AKAIN1: variants seen among roughly 807,000 people sequenced by gnomAD.
AKAIN1 encodes A-kinase anchor inhibitor 1, also known as A-kinase anchor protein inhibitor 1.
A neutral mutation model predicts 3.7 loss-of-function variants in AKAIN1; 3 were observed. The observed-to-expected ratio is 0.82, with a 90% CI of 0.37 to 2.12. The LOEUF is 2.12. Ranked by LOEUF, AKAIN1 falls within the 30% of genes most tolerant of loss-of-function variation. AKAIN1 has a pLI of 0.06. For synonymous variants in AKAIN1, 31 were observed against 30.8 expected, an observed-to-expected ratio of 1.01 and a Z score of -0.02; for missense variants, 82 against 82.7, an observed-to-expected ratio of 0.99 and a Z score of 0.03.
intron 1 of AKAIN1, among the ~76,000 whole-genome samples, chr18:5,160,793 T>C (rs2071134844): frequency 6.6e-6 from 1 of 152,100 alleles, no homozygotes; most frequent in African/African-American, 2.4e-5. Flanking sequence ...TGCCACAGAA[T>C]TGTGTTTTGA....
intron 1 of AKAIN1, among the ~76,000 whole-genome samples, chr18:5,177,647 G>T (rs2071233781): frequency 6.6e-6 from 1 of 152,030 alleles, no homozygotes; most frequent in Admixed American, 6.6e-5. Context: ...TCAGACTCAT[G>T]CACTGTATAA....
intron 1 of AKAIN1, among the ~76,000 whole-genome samples, chr18:5,167,210 G>C (rs952652685): frequency 6.6e-6 from 1 of 152,070 alleles, no homozygotes; most frequent in African/African-American, 2.4e-5. Flanking sequence ...TACTGAAAGA[G>C]TCAGATAGAT....
chr18:5,197,260 G>T, upstream of AKAIN1: 1 of 1,375,230 alleles, frequency 7.3e-7, no homozygotes, highest in Non-Finnish European at 9.3e-7. The surrounding 1 kb of genome is among the most constrained non-coding windows in gnomAD (Gnocchi z 6.9). Flanking sequence ...TCCACAATGC[G>T]GCCACAGCGG....
chr18:5,195,814 C>T (rs1183661790), intron 1 of AKAIN1, among the ~76,000 whole-genome samples: 2 of 152,078 alleles, frequency 1.3e-5, no homozygotes, highest in African/African-American at 2.4e-5. Flanking sequence ...AATTTCCTCC[C>T]TTGAGTTATT....
Position 5,156,310 on chromosome 18 carries a change from C to A in AKAIN1, c.17-10555G>T, listed in dbSNP as rs762939116. 4.6e-5 allele frequency among the ~76,000 whole-genome samples: 7 copies of A among 152,168 alleles called. No individual in the cohort carries two copies. The East Asian group carries it at 1.4e-3, about 29-fold the overall frequency. On this transcript the variant is annotated intron_variant, in intron 1 of 1. Transcript: ENST00000434239. ...TTCTCCCTGAAATAAACAGCGCAAT[C>A]TTCACAATCACCATTTCTCTGCCAA...
intron 1 of AKAIN1, among the ~76,000 whole-genome samples, chr18:5,159,564 T>C (rs1441651372): frequency 1.3e-5 from 2 of 152,218 alleles, no homozygotes; most frequent in Admixed American, 6.5e-5. Flanking sequence ...AAATTAATTA[T>C]AGAAGACATA....
Position 5,197,158 on chromosome 18 carries a change from G to A in AKAIN1, c.-105C>T. 1 of 1,523,554 alleles carries A rather than the reference G, an allele frequency of 6.6e-7. No individual in the cohort carries two copies. The highest frequency in any genetic ancestry group is 8.8e-7 in the Non-Finnish European group (1 of 1,138,872). The allele number at this position is 1,523,554 out of a possible 1,614,324, so 94.4% of individuals were successfully genotyped here. On this transcript the variant is annotated 5_prime_UTR_variant, in exon 1 of 2. Coordinates refer to ENST00000434239, the MANE Select transcript of AKAIN1 (RefSeq NM_001145194.2). This position sits in a 1 kb window ranked among gnomAD's most constrained non-coding sequence, Gnocchi z 6.9. Reference sequence around the variant, plus strand: ...GGGGTCCGGTGCAGGAGGGCGCGCTGGGCGGGCGGCGGGCGGGGCGGTCAG... The same window carrying A: ...GGGGTCCGGTGCAGGAGGGCGCGCTAGGCGGGCGGCGGGCGGGGCGGTCAG...
At chr18:5,172,747 G>A (rs1598311372) in intron 1 of AKAIN1, among the ~76,000 whole-genome samples, 1 of 151,444 alleles carries the variant, frequency 6.6e-6, no homozygotes, top group African/African-American at 2.4e-5. Flanking sequence ...TACTGCTGAG[G>A]GAAGCAATTT....
upstream of AKAIN1, chr18:5,197,528 T>C: frequency 1.3e-6 from 1 of 762,184 alleles, no homozygotes; most frequent in Non-Finnish European, 1.6e-6. The surrounding 1 kb of genome is among the most constrained non-coding windows in gnomAD (Gnocchi z 6.9). Flanking sequence ...TCTAAGAGCT[T>C]TCTTTACTCT....
At chr18:5,197,676 G>T (rs1189391734), upstream of AKAIN1, among the ~76,000 whole-genome samples, 1 of 152,004 alleles carries the variant, frequency 6.6e-6, no homozygotes, top group Admixed American at 6.5e-5. The surrounding 1 kb of genome is among the most constrained non-coding windows in gnomAD (Gnocchi z 6.9). Flanking sequence ...AGAGCAAGAG[G>T]AAGGACACAG....
intron 1 of AKAIN1, among the ~76,000 whole-genome samples, chr18:5,189,291 T>C (rs1209208248): frequency 6.6e-6 from 1 of 152,194 alleles, no homozygotes; most frequent in South Asian, 2.1e-4. Context: ...TCTTTATGAA[T>C]AGCACCTGGC....
chr18:5,150,536 C>T (rs979016287), intron 1 of AKAIN1, among the ~76,000 whole-genome samples: 5 of 152,284 alleles, frequency 3.3e-5, no homozygotes, highest in Admixed American at 2.6e-4. Flanking sequence ...AAATCGAGAA[C>T]GTGGTGTAAC....
At chr18:5,189,613 G>C (rs1009086698) in intron 1 of AKAIN1, among the ~76,000 whole-genome samples, 11 of 152,102 alleles carry the variant, frequency 7.2e-5, no homozygotes, top group Admixed American at 1.3e-4. Flanking sequence ...TTTATAACAA[G>C]GATGGCCTTT....
intron 1 of AKAIN1, among the ~76,000 whole-genome samples, chr18:5,171,760 C>A (rs1053149944): frequency 5.3e-5 from 8 of 152,092 alleles, no homozygotes; most frequent in Admixed American, 3.9e-4. Flanking sequence ...ATTAGTACAA[C>A]CACTATGGAG....
chr18:5,192,510 C>T (rs1489423405), intron 1 of AKAIN1, among the ~76,000 whole-genome samples: 1 of 151,126 alleles, frequency 6.6e-6, no homozygotes, highest in Non-Finnish European at 1.5e-5. Flanking sequence ...AAACAATTCT[C>T]CTGCCTTGGC....
intron 1 of AKAIN1, among the ~76,000 whole-genome samples, chr18:5,146,486 T>A (rs2071049982): frequency 6.6e-6 from 1 of 152,208 alleles, no homozygotes; most frequent in South Asian, 2.1e-4. Flanking sequence ...TGCAGCCAAA[T>A]ACATGCCTAG....
chr18:5,190,458 A>G (rs1225287744), intron 1 of AKAIN1, among the ~76,000 whole-genome samples: 1 of 152,206 alleles, frequency 6.6e-6, no homozygotes, highest in Non-Finnish European at 1.5e-5. Context: ...CTAAAAATTG[A>G]ATTTATAATT....
At chr18:5,191,746 G>A (rs1304727575) in intron 1 of AKAIN1, among the ~76,000 whole-genome samples, 1 of 152,076 alleles carries the variant, frequency 6.6e-6, no homozygotes, top group East Asian at 1.9e-4. Context: ...TGCAGGTTGA[G>A]TATTCCTTAT....
At chr18:5,190,263 A>G (rs2071311474) in intron 1 of AKAIN1, among the ~76,000 whole-genome samples, 1 of 152,164 alleles carries the variant, frequency 6.6e-6, no homozygotes, top group African/African-American at 2.4e-5. Flanking sequence ...TACTGTTATA[A>G]TGGCAACTAA....
Sources: allele counts gnomAD v4.1 joint callset (sites outside exome capture counted in the v4.1 genomes callset), GRCh38; gene constraint gnomAD v4.1.1; non-coding constraint Gnocchi (gnomAD v3.1); transcripts MANE v1.5; gene names NCBI Gene and HGNC (gene_info 2026-07-23, HGNC 2026-07-21).